The following VWC2L variants were observed in gnomAD, a reference collection of about 807,000 sequenced individuals.
VWC2L encodes von Willebrand factor C domain containing 2 like.
A neutral mutation model predicts 21.6 loss-of-function variants in VWC2L; 10 were observed. That is an observed-to-expected ratio of 0.46 (90% CI 0.29 to 0.78). The LOEUF is 0.78. Ranked by LOEUF, VWC2L falls within the 30% of genes least tolerant of loss-of-function variation. The pLI, the probability that VWC2L is intolerant of heterozygous loss-of-function variation, is 0.10. For synonymous variants in VWC2L, 96 were observed against 94.3 expected (o/e 1.02, Z -0.10); for missense variants, 209 against 277.1 (o/e 0.75, Z 1.74).
At chr2:214,421,144 A>G (rs1462705979) in intron 2 of VWC2L, among the ~76,000 whole-genome samples, 6 of 152,214 alleles carry the variant, frequency 3.9e-5, no homozygotes, top group Non-Finnish European at 7.3e-5. Context: ...CACTTTTTGC[A>G]CCCACAAAAG....
intron 3 of VWC2L, among the ~76,000 whole-genome samples, chr2:214,498,821 T>C (rs957556739): frequency 6.6e-6 from 1 of 150,804 alleles, no homozygotes; most frequent in South Asian, 2.1e-4. Flanking sequence ...GGATTGTGTA[T>C]ATATGTGCAA....
intron 3 of VWC2L, among the ~76,000 whole-genome samples, chr2:214,509,511 G>A (rs1034036445): frequency 2.6e-5 from 4 of 152,128 alleles, no homozygotes; most frequent in African/African-American, 9.7e-5. Flanking sequence ...TGCCTGGGAG[G>A]TGGAAGCCTT....
At chr2:214,462,330 C>T (rs1703155887) in intron 3 of VWC2L, among the ~76,000 whole-genome samples, 2 of 152,236 alleles carry the variant, frequency 1.3e-5, no homozygotes, top group Admixed American at 6.5e-5. Context: ...CCTGTCCCTG[C>T]ACTGGAAAGT....
At chr2:214,492,981 T>C (rs1559307448) in intron 3 of VWC2L, among the ~76,000 whole-genome samples, 1 of 152,198 alleles carries the variant, frequency 6.6e-6, no homozygotes, top group African/African-American at 2.4e-5. Context: ...CGTTTATCAA[T>C]GGTGCAGGGA....
intron 3 of VWC2L, among the ~76,000 whole-genome samples, chr2:214,458,842 G>A (rs1007555712): frequency 1.3e-5 from 2 of 152,116 alleles, no homozygotes; most frequent in Non-Finnish European, 2.9e-5. Context: ...CCTAACATAT[G>A]GTCTATCCCA....
intron 2 of VWC2L, among the ~76,000 whole-genome samples, chr2:214,418,367 G>T (rs969300974): frequency 5.9e-5 from 9 of 152,160 alleles, no homozygotes; most frequent in African/African-American, 2.2e-4. Context: ...TAAGTAACTT[G>T]TCCAAGACCA....
intron 3 of VWC2L, among the ~76,000 whole-genome samples, chr2:214,570,566 T>G (rs1324335771): frequency 1.3e-5 from 2 of 152,102 alleles, no homozygotes; most frequent in Non-Finnish European, 2.9e-5. Context: ...GGTTTTGCCA[T>G]GTTGCCCAGG....
At chr2:214,526,006 A>T (rs1484023469) in intron 3 of VWC2L, among the ~76,000 whole-genome samples, 1 of 151,956 alleles carries the variant, frequency 6.6e-6, no homozygotes, top group Non-Finnish European at 1.5e-5. Context: ...ATATGTTCTC[A>T]GCATATAAGT....
chr2:214,513,658 C>G (rs1418184324), intron 3 of VWC2L, among the ~76,000 whole-genome samples: 1 of 151,990 alleles, frequency 6.6e-6, no homozygotes, highest in African/African-American at 2.4e-5. Context: ...TTTGGAGGAC[C>G]TATTTAGTGC....
chr2:214,413,039 C>T (rs754966896), intron 1 of VWC2L, among the ~76,000 whole-genome samples: 1 of 152,078 alleles, frequency 6.6e-6, no homozygotes, highest in Non-Finnish European at 1.5e-5. Flanking sequence ...CAACACTTCA[C>T]ATCAAGCACC....
intron 2 of VWC2L, among the ~76,000 whole-genome samples, chr2:214,429,909 C>T (rs1020774200): frequency 2.0e-5 from 3 of 151,982 alleles, no homozygotes; most frequent in Admixed American, 6.6e-5. Flanking sequence ...CTGCAACCTC[C>T]GCCTCCTGGG....
intron 3 of VWC2L, among the ~76,000 whole-genome samples, chr2:214,505,301 C>T (rs1468517062): frequency 6.6e-6 from 1 of 152,194 alleles, no homozygotes; most frequent in East Asian, 1.9e-4. Context: ...TGAGATTCTA[C>T]CTAATAACCA....
intron 3 of VWC2L, among the ~76,000 whole-genome samples, chr2:214,487,244 A>G (rs945159755): frequency 1.3e-5 from 2 of 152,126 alleles, no homozygotes; most frequent in South Asian, 4.1e-4. Flanking sequence ...TGTTATGGCC[A>G]CTCTAGCAAA....
rs1690254101 is a variant in VWC2L at position 214,577,676 on chromosome 2, G to A, written c.*1856G>A. On this transcript the variant is annotated 3_prime_UTR_variant, in exon 4 of 4. Coordinates refer to ENST00000312504, the MANE Select transcript of VWC2L (RefSeq NM_001080500.4). Reference sequence around the variant, plus strand: ...GAGAGTGAGGCTTCTAATGCTATAGGCCCACCCTCAGGAAACATATTTTTT... The same window carrying A: ...GAGAGTGAGGCTTCTAATGCTATAGACCCACCCTCAGGAAACATATTTTTT... 6.6e-6 allele frequency: 1 copy of A among 152,104 alleles called. No individual in the cohort carries two copies. Among genetic ancestry groups the A allele is most frequent in the African/African-American group, 2.4e-5 (1 of 41,402 alleles). 9.4% of individuals were successfully genotyped at this position (152,104 alleles called of 1,614,324 possible). A position where few individuals can be genotyped will look rare whatever the true frequency, so the allele number is the denominator to read the frequency against.
At chr2:214,464,985 G>C (rs1394797729) in intron 3 of VWC2L, among the ~76,000 whole-genome samples, 1 of 152,110 alleles carries the variant, frequency 6.6e-6, no homozygotes. Flanking sequence ...GGGCTTTTTA[G>C]TCAGCGTGTG....
intron 3 of VWC2L, among the ~76,000 whole-genome samples, chr2:214,484,477 A>G (rs1295514868): frequency 6.6e-6 from 1 of 152,090 alleles, no homozygotes; most frequent in Admixed American, 6.6e-5. Context: ...TCCCTCATGT[A>G]TTCAGTTTCA....
chr2:214,547,256 C>G (rs900748530), intron 3 of VWC2L, among the ~76,000 whole-genome samples: 6 of 150,236 alleles, frequency 4.0e-5, no homozygotes, highest in Non-Finnish European at 7.4e-5. Context: ...ACTTGGGGTT[C>G]CATCCTCAAA....
At chr2:214,564,609 G>T (rs749279197) in intron 3 of VWC2L, among the ~76,000 whole-genome samples, 7 of 152,128 alleles carry the variant, frequency 4.6e-5, no homozygotes, top group Non-Finnish European at 1.0e-4. Flanking sequence ...AGTATTGAAG[G>T]CTTTGTTTGG....
intron 3 of VWC2L, among the ~76,000 whole-genome samples, chr2:214,499,509 G>T (rs564196605): frequency 7.3e-6 from 1 of 136,526 alleles, no homozygotes; most frequent in East Asian, 2.5e-4. Context: ...TCGTGGGGTG[G>T]GGGGAGGGGT....
Sources: gnomAD v4.1 joint callset for allele counts (sites outside exome capture counted in the v4.1 genomes callset) on GRCh38, gnomAD v4.1.1 for gene constraint, MANE v1.5 for transcripts, NCBI Gene and HGNC (gene_info 2026-07-23, HGNC 2026-07-21) for gene names.